APC: variants seen among roughly 807,000 people sequenced by gnomAD.
APC encodes APC regulator of Wnt signaling pathway, also known as adenomatous polyposis coli protein.
Under a neutral mutation model 247.0 loss-of-function variants are expected in APC, and 72 were observed. The ratio of observed to expected loss-of-function variants is 0.29; its 90% CI spans 0.24 to 0.35. APC has a LOEUF of 0.35. Among genes scored for constraint, APC ranks in the 10% least tolerant of loss-of-function variants. APC has a pLI of 1.00. For synonymous variants in APC, 1,254 were observed against 1,162.5 expected, an observed-to-expected ratio of 1.08 and a Z score of -1.60; for missense variants, 3,400 against 3,360.7, an observed-to-expected ratio of 1.01 and a Z score of -0.29.
At chr5:112,768,516 T>C (rs80248791) in intron 4 of APC, among the ~76,000 whole-genome samples, 2 of 150,212 alleles carry the variant, frequency 1.3e-5, no homozygotes, top group East Asian at 1.9e-4. Flanking sequence ...AATACTTCTT[T>C]TTTTTTTTTT....
In APC at chr5:112,707,632, G is replaced by C. The variant is rs926522652; in HGVS notation, c.-86G>C. On this transcript the variant is annotated 5_prime_UTR_variant, in exon 1 of 14. Transcript: ENST00000507379. ...GCCCGGGAGCTGCGGACCGAGGTTG[G>C]CTCGATGCTGTTCCCAGGTACTGTT... 3 of 1,334,422 alleles carry C rather than the reference G, an allele frequency of 2.2e-6. No homozygotes were observed. Among genetic ancestry groups the C allele is most frequent in the Admixed American group, 4.4e-5 (2 of 45,406 alleles). 82.7% of individuals were successfully genotyped at this position (1,334,422 alleles called of 1,614,324 possible).
At chr5:112,737,174 G>C (rs896846937), upstream of APC, among the ~76,000 whole-genome samples, 3 of 152,002 alleles carry the variant, frequency 2.0e-5, no homozygotes, top group African/African-American at 7.3e-5. Flanking sequence ...TATGTGTCAG[G>C]GACTGCTCTA....
rs1350058905 is a variant in APC at position 112,842,778 on chromosome 5, A to G, written c.7184A>G (p.Glu2395Gly). 2 of 1,613,824 alleles carry G rather than the reference A, an allele frequency of 1.2e-6. No individual in the cohort carries two copies. The highest frequency in any genetic ancestry group is 1.7e-6 in the Non-Finnish European group (2 of 1,179,824). Residue 2395 changes from glutamate (E) to glycine (G), a missense_variant, in exon 16 of 16, where the codon GAG (glutamate) becomes GGG (glycine). Transcript: ENST00000257430. ...AATGCCAGTAGTATTCCAAGAAGTGAGTCTGCCTCCAAAGGACTAAATCAG... is the reference window on the plus strand; with the variant it reads ...AATGCCAGTAGTATTCCAAGAAGTGGGTCTGCCTCCAAAGGACTAAATCAG... Reference protein sequence around the residue: ...SKNASSIPRSESASKGLNQMN... With the variant: ...SKNASSIPRSGSASKGLNQMN...
At chr5:112,770,003 A>G (rs566965012) in intron 4 of APC, among the ~76,000 whole-genome samples, 4 of 152,266 alleles carry the variant, frequency 2.6e-5, no homozygotes, top group African/African-American at 7.2e-5. Context: ...TTTGAGCTCT[A>G]TTAAGAGGCA....
At position 112,837,954 on chromosome 5, in the gene APC, G is replaced by A. The variant is rs910898245; in HGVS notation, c.2360G>A (p.Ser787Asn). The A allele has an allele frequency of 1.9e-6, 3 of 1,614,096 alleles. No homozygotes were observed. The highest frequency in any genetic ancestry group is 2.5e-6 in the Non-Finnish European group (3 of 1,180,026). The change falls in exon 16 of 16, where the codon AGT becomes AAT. Residue 787 changes from serine to asparagine, a missense_variant. By Grantham distance (46) the Ser-to-Asn change is conservative. This residue lies in a region of APC where 91 missense variants were observed against 103.3 expected (regional missense o/e 0.88). Transcript: ENST00000257430. Reference protein sequence around the residue: ...DNLSPKASHRSKQRHKQSLYG... With the variant: ...DNLSPKASHRNKQRHKQSLYG... ...TTAAGTCCCAAGGCATCTCATCGTA[G>A]TAAGCAGAGACACAAGCAAAGTCTC... is the stretch of plus-strand genomic sequence containing the variant.
chr5:112,777,078 A>C (rs553540643), intron 5 of APC, among the ~76,000 whole-genome samples: 20 of 152,330 alleles, frequency 1.3e-4, no homozygotes, highest in Admixed American at 5.9e-4. Context: ...TAAATTGTCC[A>C]ATTAAAATCA....
intron 2 of APC, among the ~76,000 whole-genome samples, chr5:112,761,030 T>C (rs995688744): frequency 6.6e-6 from 1 of 152,102 alleles, no homozygotes; most frequent in South Asian, 2.1e-4. Context: ...AGGATGGTCT[T>C]GATCTCCTGA....
intron 1 of APC, among the ~76,000 whole-genome samples, chr5:112,741,847 G>A (rs982408235): frequency 7.9e-5 from 12 of 152,046 alleles, no homozygotes; most frequent in African/African-American, 2.9e-4. Context: ...ACTATTCTGG[G>A]AACCTCTAAT....
At chr5:112,755,166 C>A (rs1754827989) in intron 2 of APC, 141 bp downstream of exon 2, 1 of 1,231,770 alleles carries the variant, frequency 8.1e-7, no homozygotes, top group Non-Finnish European at 1.1e-6. Context: ...CAAAAGTTAG[C>A]ATTTATATTT....
intron 1 of APC, among the ~76,000 whole-genome samples, chr5:112,728,263 G>C (rs895789689): frequency 6.6e-5 from 10 of 151,858 alleles, no homozygotes; most frequent in African/African-American, 2.4e-4. Context: ...GAGTAGCTGG[G>C]ATTACAGGCG....
chr5:112,839,195 T>TC lies in APC; in HGVS notation c.3602dup (p.Ser1202IlefsTer6). ...ACAGTCATTTTCATTCTCAAAGAGTTCATCTGGACAAAGCAGTAAAACCGA... is the reference window on the plus strand; with the variant it reads ...ACAGTCATTTTCATTCTCAAAGAGTTCCATCTGGACAAAGCAGTAAAACCGA... On this transcript the variant is annotated frameshift_variant, in exon 16 of 16. Coordinates refer to ENST00000257430, the MANE Select transcript of APC (RefSeq NM_000038.6). LOFTEE classifies it high-confidence loss of function. The surrounding 1 kb of genome is among the most constrained non-coding windows in gnomAD (Gnocchi z 5.0). The TC allele has an allele frequency of 6.2e-7, 1 of 1,614,116 alleles. No individual in the cohort carries two copies. The highest frequency in any genetic ancestry group is 8.5e-7 in the Non-Finnish European group (1 of 1,180,028).
At chr5:112,793,237 A>G (rs1262231607) in intron 7 of APC, among the ~76,000 whole-genome samples, 7 of 152,126 alleles carry the variant, frequency 4.6e-5, no homozygotes, top group East Asian at 1.9e-4. Flanking sequence ...GGAGAGGGTA[A>G]ACAAAGGGTC....
At chr5:112,806,978 C>G (rs1007373277) in intron 8 of APC, among the ~76,000 whole-genome samples, 3 of 151,878 alleles carry the variant, frequency 2.0e-5, no homozygotes, top group African/African-American at 7.3e-5. Context: ...ACTAAAAATA[C>G]AAAAATTAGC....
chr5:112,790,203 G>A (rs953780577), intron 6 of APC, among the ~76,000 whole-genome samples: 1 of 152,018 alleles, frequency 6.6e-6, no homozygotes, highest in Non-Finnish European at 1.5e-5. Flanking sequence ...TCAGAATCAT[G>A]ATAGAGACTC....
intron 2 of APC, among the ~76,000 whole-genome samples, chr5:112,762,290 A>G (rs761285312): frequency 8.7e-4 from 133 of 152,360 alleles, no homozygotes; most frequent in Non-Finnish European, 9.6e-4. Context: ...CCATTTTGGC[A>G]GTTTCCTTTA....
At position 112,842,679 on chromosome 5, in the gene APC, G is replaced by T. The variant is rs756740976; in HGVS notation, c.7085G>T (p.Gly2362Val). 1 of 1,613,576 alleles carries T rather than the reference G, an allele frequency of 6.2e-7. No homozygotes were observed. The highest frequency in any genetic ancestry group is 1.7e-5 in the Admixed American group (1 of 60,014). The change falls in exon 16 of 16, where the codon GGA becomes GTA. Residue 2362 changes from glycine to valine, a missense_variant. Around this residue, in one of 9 missense-constraint regions of APC, gnomAD observed 1,788 missense variants for 1,649.5 expected, o/e 1.08. Transcript: ENST00000257430. ...GCTTCAACTAAGTCCTCAGGTTCTG[G>T]AAAAATGTCATATACATCTCCAGGT... ...STASTKSSGS[G>V]KMSYTSPGRQ...
intron 5 of APC, among the ~76,000 whole-genome samples, chr5:112,779,730 T>C (rs922704062): frequency 6.6e-6 from 1 of 152,064 alleles, no homozygotes; most frequent in African/African-American, 2.4e-5. Flanking sequence ...TACAACTGGC[T>C]CAGTAGGAAT....
In APC at chr5:112,707,851, G is replaced by C. The variant is rs1004213568; in HGVS notation, c.134G>C (p.Arg45Pro). Reference sequence around the variant, plus strand: ...GAGACGAAGAGCCCGGGCGGCGCTCGTACTTCTGGCCACTGGGCGAGCGTC... The same window carrying C: ...GAGACGAAGAGCCCGGGCGGCGCTCCTACTTCTGGCCACTGGGCGAGCGTC... Residue 45 changes from arginine to proline, a missense_variant, in exon 1 of 14, where the codon CGT becomes CCT. Arg to Pro is a moderately radical substitution (Grantham distance 103). Coordinates refer to the APC transcript ENST00000507379. 38 of 1,370,096 alleles carry C rather than the reference G, an allele frequency of 2.8e-5. No homozygotes were observed. Among genetic ancestry groups the C allele is most frequent in the Non-Finnish European group, 3.6e-5 (37 of 1,038,604 alleles). The allele number at this position is 1,370,096 out of a possible 1,614,324, so 84.9% of individuals were successfully genotyped here.
chr5:112,716,290 T>A (rs946990731), intron 1 of APC, among the ~76,000 whole-genome samples: 1 of 152,202 alleles, frequency 6.6e-6, no homozygotes, highest in African/African-American at 2.4e-5. Context: ...ATTTTTATAA[T>A]TCACTTAAGA....
Sources: gnomAD v4.1 joint callset for allele counts (sites outside exome capture counted in the v4.1 genomes callset) on GRCh38, gnomAD v4.1.1 for gene constraint, gnomAD v4.1.1 regional missense constraint, Gnocchi (gnomAD v3.1) non-coding constraint, MANE v1.5 for transcripts, NCBI Gene and HGNC (gene_info 2026-07-23, HGNC 2026-07-21) for gene names.